Variants in CDH4 observed in about 807,000 individuals in gnomAD.
CDH4 encodes the protein cadherin-4.
CDH4 carries 33 observed loss-of-function variants against 86.0 expected under a neutral mutation model. That is an observed-to-expected ratio of 0.38 (90% CI 0.29 to 0.51). CDH4 has a LOEUF of 0.51. Ranked by LOEUF, CDH4 falls within the 20% of genes least tolerant of loss-of-function variation. CDH4 has a pLI of 0.86. For missense variants in CDH4, 1,114 were observed against 1,307.4 expected (o/e 0.85, Z 2.28); for synonymous variants, 555 against 549.4 (o/e 1.01, Z -0.14).
intron 2 of CDH4, among the ~76,000 whole-genome samples, chr20:61,591,072 A>G (rs1273915018): frequency 6.6e-6 from 1 of 152,208 alleles, no homozygotes; most frequent in Non-Finnish European, 1.5e-5. Flanking sequence ...AGATCCACTG[A>G]TAGGTACCAG....
At chr20:61,310,831 C>T (rs780513127) in intron 2 of CDH4, among the ~76,000 whole-genome samples, 7 of 152,196 alleles carry the variant, frequency 4.6e-5, no homozygotes, top group Non-Finnish European at 7.3e-5. Context: ...TGCGTCCTAG[C>T]TCCCTCTTCC....
intron 2 of CDH4, among the ~76,000 whole-genome samples, chr20:61,361,168 A>G (rs1244037889): frequency 6.6e-6 from 1 of 152,160 alleles, no homozygotes; most frequent in African/African-American, 2.4e-5. Context: ...CTGAGAGGGA[A>G]GGAGCCCTGA....
intron 5 of CDH4, among the ~76,000 whole-genome samples, chr20:61,850,265 C>T (rs552211775): frequency 6.6e-6 from 1 of 152,352 alleles, no homozygotes; most frequent in East Asian, 1.9e-4. Context: ...ATGCCAATCT[C>T]ACAGATTCTG....
At chr20:61,445,880 G>A (rs1407206906) in intron 2 of CDH4, among the ~76,000 whole-genome samples, 13 of 152,214 alleles carry the variant, frequency 8.5e-5, no homozygotes, top group African/African-American at 2.4e-4. Context: ...AGTCCTCCGC[G>A]CAGTCCTGAA....
chr20:61,446,697 G>A (rs1227951062), intron 2 of CDH4, among the ~76,000 whole-genome samples: 2 of 152,156 alleles, frequency 1.3e-5, no homozygotes, highest in African/African-American at 2.4e-5. Flanking sequence ...TAAGGTTTCC[G>A]CATGTGTTGC....
chr20:61,847,450 A>T (rs1041488112), intron 5 of CDH4, among the ~76,000 whole-genome samples: 1 of 152,182 alleles, frequency 6.6e-6, no homozygotes, highest in Non-Finnish European at 1.5e-5. Flanking sequence ...ACAGGTAGAA[A>T]TTTTCAACCC....
intron 2 of CDH4, among the ~76,000 whole-genome samples, chr20:61,444,716 T>A (rs577308646): frequency 6.6e-6 from 1 of 152,280 alleles, no homozygotes; most frequent in East Asian, 1.9e-4. Context: ...TGTGTATATT[T>A]GTGTGTATAT....
At chr20:61,512,387 A>C (rs989418365) in intron 2 of CDH4, among the ~76,000 whole-genome samples, 10 of 152,204 alleles carry the variant, frequency 6.6e-5, no homozygotes, top group Non-Finnish European at 1.3e-4. Context: ...CGATCATTTC[A>C]ATCGACCATA....
intron 2 of CDH4, among the ~76,000 whole-genome samples, chr20:61,728,104 G>C (rs1315369824): frequency 6.6e-6 from 1 of 152,142 alleles, no homozygotes; most frequent in Non-Finnish European, 1.5e-5. Context: ...ACCTACCCTA[G>C]GAGGATCCAG....
intron 2 of CDH4, among the ~76,000 whole-genome samples, chr20:61,643,060 C>T (rs1334013426): frequency 6.6e-6 from 1 of 152,192 alleles, no homozygotes; most frequent in Non-Finnish European, 1.5e-5. Flanking sequence ...AACTGAATAG[C>T]TGAGACTGGG....
chr20:61,308,117 T>A (rs553219846), intron 2 of CDH4, among the ~76,000 whole-genome samples: 1 of 152,310 alleles, frequency 6.6e-6, no homozygotes, highest in African/African-American at 2.4e-5. Flanking sequence ...GTGTCAGGGC[T>A]GAACCTCACT....
chr20:61,693,696 C>T (rs913679135), intron 2 of CDH4, among the ~76,000 whole-genome samples: 5 of 152,202 alleles, frequency 3.3e-5, no homozygotes, highest in Admixed American at 6.5e-5. Flanking sequence ...GGCCTGGTCT[C>T]ATCCACCTGG....
At chr20:61,772,912 G>T in intron 3 of CDH4, 91 bp from the exon 4 acceptor site, 1 of 1,180,364 alleles carries the variant, frequency 8.5e-7, no homozygotes, top group Admixed American at 2.4e-5. Context: ...CTCAGTCTCG[G>T]GCAGTACAGA....
chr20:61,835,977 C>T (rs1344208423), intron 4 of CDH4, among the ~76,000 whole-genome samples: 1 of 152,228 alleles, frequency 6.6e-6, no homozygotes, highest in Admixed American at 6.5e-5. Context: ...ACCCTGACTA[C>T]CCACAGGCTG....
At chr20:61,319,800 C>A (rs137920519) in intron 2 of CDH4, among the ~76,000 whole-genome samples, 82 of 141,522 alleles carry the variant, frequency 5.8e-4, no homozygotes, top group African/African-American at 1.4e-3. Context: ...AAAAAAAAAA[C>A]AAAATTAACC....
intron 2 of CDH4, among the ~76,000 whole-genome samples, chr20:61,692,356 A>G (rs2087669269): frequency 6.6e-6 from 1 of 152,144 alleles, no homozygotes; most frequent in Non-Finnish European, 1.5e-5. Context: ...CTCAACTTGA[A>G]TCAAGGAATT....
In CDH4 at chr20:61,511,357, G is replaced by A. The variant is rs557058838; in HGVS notation, c.170-232206G>A. Among the ~76,000 whole-genome samples, 24 of 152,228 alleles carry A rather than the reference G, an allele frequency of 1.6e-4. No homozygotes were observed. The South Asian group carries it at 4.8e-3, about 30-fold the overall frequency. On this transcript the variant is annotated intron_variant, in intron 2 of 15. Transcript: ENST00000614565. ...TCCCCTCCTGCCCCTCTAACTCCAC[G>A]GCTTGTGCCAGGAAGACCCTGCTCT...
chr20:61,395,501 C>T (rs1373202731), intron 2 of CDH4, among the ~76,000 whole-genome samples: 1 of 152,044 alleles, frequency 6.6e-6, no homozygotes, highest in Non-Finnish European at 1.5e-5. Context: ...TGTTACTAGC[C>T]AGGCATGGTG....
intron 2 of CDH4, among the ~76,000 whole-genome samples, chr20:61,435,070 C>T (rs73318327): frequency 0.045 from 6,868 of 152,230 alleles, 534 homozygotes; most frequent in African/African-American, 0.15. Context: ...TTCACGTTCA[C>T]GAGTATGAAG....
Sources: allele counts gnomAD v4.1 joint callset (sites outside exome capture counted in the v4.1 genomes callset), GRCh38; gene constraint gnomAD v4.1.1; transcripts MANE v1.5; gene names NCBI Gene and HGNC (gene_info 2026-07-23, HGNC 2026-07-21).